Variants in PCDHGB2 observed in about 807,000 individuals in gnomAD.
The protein encoded by PCDHGB2 is protocadherin gamma-B2.
A neutral mutation model predicts 59.3 loss-of-function variants in PCDHGB2; 55 were observed. The observed-to-expected ratio is 0.93, with a 90% confidence interval of 0.75 to 1.16. The LOEUF is 1.16. Among genes scored for constraint, PCDHGB2 ranks in the 50% most tolerant of loss-of-function variants. PCDHGB2 has a pLI of 0.00. For synonymous variants in PCDHGB2, 516 were observed against 512.0 expected, an observed-to-expected ratio of 1.01 and a Z score of -0.11; for missense variants, 1,228 against 1,198.5, an observed-to-expected ratio of 1.02 and a Z score of -0.36.
intron 1 of PCDHGB2, chr5:141,419,732 G>A (rs2096422854): frequency 6.2e-7 from 1 of 1,613,792 alleles, no homozygotes; most frequent in Non-Finnish European, 8.5e-7. Flanking sequence ...GCGAACAGGC[G>A]AGGTGCGCAT....
chr5:141,431,921 G>C lies in PCDHGB2; in HGVS notation c.2422-62886G>C, dbSNP rs775520324. ...CGGACAGGTGATCTGTTTCATCCAA[G>C]GAAATCTGCCCTTTAAATTAGAAAA... On this transcript the variant is annotated intron_variant, in intron 1 of 3. Transcript: ENST00000522605. This position sits in a 1 kb window ranked among gnomAD's most constrained non-coding sequence, Gnocchi z 4.8. 8.7e-6 allele frequency: 14 copies of C among 1,614,024 alleles called. No individual in the cohort carries two copies. Among genetic ancestry groups the C allele is most frequent in the Non-Finnish European group, 1.2e-5 (14 of 1,179,998 alleles).
intron 1 of PCDHGB2, chr5:141,405,052 C>G (rs182635391): frequency 4.3e-6 from 7 of 1,613,836 alleles, no homozygotes; most frequent in Non-Finnish European, 5.9e-6. Context: ...TGGCAGTCGT[C>G]TCCTGTGTCT....
At position 141,505,629 on chromosome 5, in the gene PCDHGB2, C is replaced by T. The variant is rs1475582931; in HGVS notation, c.2569+148C>T. 7.4e-6 allele frequency: 11 copies of T among 1,482,192 alleles called. No individual in the cohort carries two copies. The African/African-American group carries it at 9.8e-5, about 13-fold the overall frequency. The allele number at this position is 1,482,192 out of a possible 1,614,324, so 91.8% of individuals were successfully genotyped here. ...GTCTGAAAGGACCCACAATTCCAAACATAAAGCCTGGAATTGTGGCTAAGG... is the reference window on the plus strand; with the variant it reads ...GTCTGAAAGGACCCACAATTCCAAATATAAAGCCTGGAATTGTGGCTAAGG... On this transcript the variant is annotated intron_variant, in intron 3 of 3. Coordinates refer to ENST00000522605, the MANE Select transcript of PCDHGB2 (RefSeq NM_018923.3).
intron 1 of PCDHGB2, chr5:141,365,006 A>ACG: frequency 4.3e-6 from 7 of 1,613,882 alleles, no homozygotes; most frequent in Non-Finnish European, 5.9e-6. Flanking sequence ...CTCCGGCACC[A>ACG]CGCACATCCG....
At chr5:141,414,046 A>G (rs780040293) in intron 1 of PCDHGB2, 1 of 1,611,254 alleles carries the variant, frequency 6.2e-7, no homozygotes, top group Non-Finnish European at 8.5e-7. Context: ...ATTACCTGAC[A>G]CGCAATTGTT....
rs774271747 is a variant in PCDHGB2 at position 141,485,866 on chromosome 5, C to A, written c.2422-8941C>A. On this transcript the variant is annotated intron_variant, in intron 1 of 3. Coordinates refer to ENST00000522605, the MANE Select transcript of PCDHGB2 (RefSeq NM_018923.3). The surrounding 1 kb of genome is among the most constrained non-coding windows in gnomAD (Gnocchi z 5.7). Reference sequence around the variant, plus strand: ...CTGGCACCGCAGAGCTCCGGGTATCCGTGCTGGACGTAAACGACAACGCCC... The same window carrying A: ...CTGGCACCGCAGAGCTCCGGGTATCAGTGCTGGACGTAAACGACAACGCCC... 2 of 1,614,144 alleles carry A rather than the reference C, an allele frequency of 1.2e-6. No homozygotes were observed. Among genetic ancestry groups the A allele is most frequent in the South Asian group, 1.1e-5 (1 of 91,074 alleles).
intron 1 of PCDHGB2, chr5:141,378,340 T>G (rs887140006): frequency 2.0e-5 from 3 of 152,166 alleles, no homozygotes; most frequent in African/African-American, 7.2e-5. Context: ...CTGACCAACA[T>G]GGTGAAACCC....
At chr5:141,409,897 A>C (rs549955923) in intron 1 of PCDHGB2, 1 of 1,613,086 alleles carries the variant, frequency 6.2e-7, no homozygotes, top group Non-Finnish European at 8.5e-7. Context: ...TGCTGTACCC[A>C]GCTCTGGGTC....
Position 141,485,715 on chromosome 5 carries a change from A to G in PCDHGB2, c.2422-9092A>G. The G allele has an allele frequency of 6.2e-7, 1 of 1,614,114 alleles. No homozygotes were observed. Among genetic ancestry groups the G allele is most frequent in the Non-Finnish European group, 8.5e-7 (1 of 1,180,012 alleles). On this transcript the variant is annotated intron_variant, in intron 1 of 3. Transcript: ENST00000522605. The surrounding 1 kb of genome is among the most constrained non-coding windows in gnomAD (Gnocchi z 5.7). ...AGCTCCAATGAACACTTTGCACTGGATGTGAAGAAGCGCAGCGACGGCAGC... is the reference window on the plus strand; with the variant it reads ...AGCTCCAATGAACACTTTGCACTGGGTGTGAAGAAGCGCAGCGACGGCAGC...
chr5:141,492,026 G>A, intron 1 of PCDHGB2: 1 of 567,198 alleles, frequency 1.8e-6, no homozygotes, highest in South Asian at 2.9e-5. Flanking sequence ...GGGGTCCCGG[G>A]AGGAGGCAGT....
chr5:141,416,791 G>C (rs1389798483), intron 1 of PCDHGB2: 1 of 152,166 alleles, frequency 6.6e-6, no homozygotes, highest in Non-Finnish European at 1.5e-5. Flanking sequence ...TCTACTAAAT[G>C]TGGTAGTATA....
chr5:141,462,872 AG>A (rs1254807813), intron 1 of PCDHGB2, among the ~76,000 whole-genome samples: 54 of 152,272 alleles, frequency 3.5e-4, no homozygotes, highest in Middle Eastern at 6.8e-3. Flanking sequence ...TCTTTCTTTA[AG>A]AACTATTGCA....
chr5:141,438,595 T>TAC (rs2098000070), intron 1 of PCDHGB2, among the ~76,000 whole-genome samples: 6 of 58,022 alleles, frequency 1.0e-4, no homozygotes, highest in African/African-American at 1.8e-4. Context: ...TACATACATA[T>TAC]ATATATATAT....
At chr5:141,372,130 C>T in intron 1 of PCDHGB2, 4 of 1,613,648 alleles carry the variant, frequency 2.5e-6, no homozygotes, top group South Asian at 1.1e-5. Context: ...GATATGGTGC[C>T]GCGCTCTGCA....
chr5:141,504,937 G>A (rs1350441435), intron 2 of PCDHGB2, among the ~76,000 whole-genome samples: 2 of 152,054 alleles, frequency 1.3e-5, no homozygotes, highest in East Asian at 1.9e-4. Context: ...GGTGGGTGGG[G>A]GAATGCACTA....
chr5:141,505,246 G>GAAGT, intron 2 of PCDHGB2, 147 bp from the exon 3 acceptor site: 3 of 1,436,674 alleles, frequency 2.1e-6, no homozygotes, highest in Non-Finnish European at 2.8e-6. Context: ...AAGGATTGTA[G>GAAGT]AAGTGCCTCC....
At chr5:141,389,859 C>A (rs1228335415) in intron 1 of PCDHGB2, 1 of 1,614,076 alleles carries the variant, frequency 6.2e-7, no homozygotes, top group Non-Finnish European at 8.5e-7. Flanking sequence ...TGCCACGTTG[C>A]ACCTGGTCTT....
At position 141,426,001 on chromosome 5, in the gene PCDHGB2, T is replaced by C. The variant is rs553657872; in HGVS notation, c.2421+63445T>C. Among the ~76,000 whole-genome samples, 3 of 152,318 alleles carry C rather than the reference T, an allele frequency of 2.0e-5. No individual in the cohort carries two copies. In the South Asian group the frequency reaches 6.2e-4, roughly 32 times the overall value. The stretch of plus-strand genomic sequence containing the variant: ...TGAATCCCATTGAATTAGCAAAGGC[T>C]TCCGGCTGCAGTTTTCTAAATAGAC... On this transcript the variant is annotated intron_variant, in intron 1 of 3. Transcript: ENST00000522605.
intron 1 of PCDHGB2, chr5:141,409,541 G>T: frequency 6.2e-7 from 1 of 1,613,970 alleles, no homozygotes; most frequent in Non-Finnish European, 8.5e-7. Context: ...TGACATCAAC[G>T]ACAACGCCCC....
Sources: gnomAD v4.1 joint callset for allele counts (sites outside exome capture counted in the v4.1 genomes callset) on GRCh38, gnomAD v4.1.1 for gene constraint, Gnocchi (gnomAD v3.1) non-coding constraint, MANE v1.5 for transcripts, NCBI Gene and HGNC (gene_info 2026-07-23, HGNC 2026-07-21) for gene names.